Variants in LIPT1 observed in about 807,000 individuals in gnomAD.
The protein encoded by LIPT1 is lipoyl amidotransferase LIPT1, mitochondrial.
In LIPT1, 22 loss-of-function variants were observed where a neutral mutation model predicts 25.1. The observed-to-expected ratio is 0.88, with a 90% confidence interval of 0.63 to 1.25. LIPT1 has a LOEUF of 1.25. LIPT1 is among the 50% of genes most tolerant of loss of function. The probability of loss-of-function intolerance (pLI) is 0.00; values close to 1 mark genes in which losing one functional copy is unlikely to be tolerated. For missense variants in LIPT1, 399 were observed against 432.8 expected (o/e 0.92, Z 0.69); for synonymous variants, 131 against 150.8 (o/e 0.87, Z 0.96).
At chr2:99,158,289 A>C (rs1214280291) in intron 1 of LIPT1, among the ~76,000 whole-genome samples, 1 of 152,028 alleles carries the variant, frequency 6.6e-6, no homozygotes, top group East Asian at 1.9e-4. Flanking sequence ...CATGCTTAAA[A>C]TCTCTAGGCG....
At chr2:99,155,888 G>A (rs144389477) in intron 1 of LIPT1, among the ~76,000 whole-genome samples, 1,630 of 152,308 alleles carry the variant, frequency 0.011, 9 homozygotes, top group Middle Eastern at 0.027. Flanking sequence ...ATGTAACTCA[G>A]TCCTTTTCTG....
intron 1 of LIPT1, among the ~76,000 whole-genome samples, chr2:99,160,156 C>G (rs997547128): frequency 2.6e-4 from 40 of 152,308 alleles, no homozygotes; most frequent in African/African-American, 9.4e-4. Flanking sequence ...CCTATAATCC[C>G]AGCACTTTGG....
chr2:99,163,132 C>A lies in LIPT1; in HGVS notation c.*53C>A. ...CAATTAGAAAATAAAATGTCTCATACTTGCACATTGTATGTCAAAAAAAAA... is the reference window on the plus strand; with the variant it reads ...CAATTAGAAAATAAAATGTCTCATAATTGCACATTGTATGTCAAAAAAAAA... On this transcript the variant is annotated 3_prime_UTR_variant, in exon 2 of 2. Coordinates refer to ENST00000651691, the MANE Select transcript of LIPT1 (RefSeq NM_145199.3). 4 of 1,188,556 alleles carry A rather than the reference C, an allele frequency of 3.4e-6. No individual in the cohort carries two copies. The highest frequency in any genetic ancestry group is 4.5e-6 in the Non-Finnish European group (4 of 879,288). The allele number at this position is 1,188,556 out of a possible 1,614,324, so 73.6% of individuals were successfully genotyped here. A position where few individuals can be genotyped will look rare whatever the true frequency, so the allele number is the denominator to read the frequency against.
chr2:99,155,873 A>G (rs922795750), intron 1 of LIPT1, among the ~76,000 whole-genome samples: 9 of 152,224 alleles, frequency 5.9e-5, no homozygotes, highest in African/African-American at 2.2e-4. Context: ...TCAGACGTTC[A>G]TATCATGTAA....
At chr2:99,160,832 A>C (rs896643748) in intron 1 of LIPT1, among the ~76,000 whole-genome samples, 1 of 152,160 alleles carries the variant, frequency 6.6e-6, no homozygotes, top group Non-Finnish European at 1.5e-5. Flanking sequence ...TAAAGACATA[A>C]TGAAAGCTTT....
At chr2:99,157,913 C>T (rs1477916766) in intron 1 of LIPT1, among the ~76,000 whole-genome samples, 1 of 152,192 alleles carries the variant, frequency 6.6e-6, no homozygotes, top group Non-Finnish European at 1.5e-5. Flanking sequence ...CCTATAAAAT[C>T]TGTCCTAGGA....
chr2:99,162,288 G>C lies in LIPT1; in HGVS notation c.331G>C (p.Gly111Arg). ...AGGAGGAACAGTCTACCATGATATG[G>C]GTAATATCAATTTGACTTTCTTTAC... ...SGGGTVYHDM[G>R]NINLTFFTTK... Residue 111 changes from glycine to arginine, a missense_variant, in exon 2 of 2, where the codon GGT (glycine) becomes CGT (arginine). Physicochemically the swap from Gly to Arg is moderately radical, Grantham distance 125. Transcript: ENST00000651691. 6.2e-7 allele frequency: 1 copy of C among 1,610,370 alleles called. No homozygotes were observed.
At position 99,157,630 on chromosome 2, in the gene LIPT1, T is replaced by C. The variant is rs1047004339; in HGVS notation, c.-2+2579T>C. Among the ~76,000 whole-genome samples, 3 of 152,266 alleles carry C rather than the reference T, an allele frequency of 2.0e-5. No homozygotes were observed. In the South Asian group the frequency reaches 6.2e-4, roughly 31 times the overall value. ...TTGCTCAATCTTTGGCATTTGGCAC[T>C]GTTGACCATCTTGTCTCCTTGAAGC... is the stretch of plus-strand genomic sequence containing the variant. On this transcript the variant is annotated intron_variant, in intron 1 of 1. Transcript: ENST00000651691.
At chr2:99,155,132 GT>G (rs2105177136) in intron 1 of LIPT1, 81 bp downstream of exon 1, 2 of 445,430 alleles carry the variant, frequency 4.5e-6, no homozygotes. Context: ...GGCGCGCGCG[GT>G]GTTTCTGGCG....
rs540730333 is a variant in LIPT1, at chr2:99,160,057, G to A, written c.-1-1900G>A. On this transcript the variant is annotated intron_variant, in intron 1 of 1. Coordinates refer to ENST00000651691, the MANE Select transcript of LIPT1 (RefSeq NM_145199.3). ...TTAGTTTATAAACTACAACAAGAGT[G>A]ATGAAAATATGAAGACTCTTTAATC... Among the ~76,000 whole-genome samples the A allele has an allele frequency of 1.4e-4, 21 of 152,326 alleles. No homozygotes were observed. The East Asian group carries it at 2.5e-3, about 18-fold the overall frequency.
chr2:99,162,241 A>C lies in LIPT1; in HGVS notation c.284A>C (p.Lys95Thr), dbSNP rs765095355. Residue 95 changes from lysine to threonine, a missense_variant, in exon 2 of 2, where the codon AAA becomes ACA. Lys to Thr is a moderately conservative substitution (Grantham distance 78). Transcript: ENST00000651691. The part of the protein sequence containing the change: ...NLNLMREEGI[K>T]LARRRSGGGT... ...AATCTAATGAGAGAAGAAGGTATAA[A>C]ACTGGCTCGGAGAAGAAGTGGAGGA... is the stretch of plus-strand genomic sequence containing the variant. The C allele has an allele frequency of 3.1e-6, 5 of 1,613,674 alleles. No homozygotes were observed. The East Asian group carries it at 8.9e-5, about 29-fold the overall frequency.
Position 99,162,792 on chromosome 2 carries a change from T to C in LIPT1, c.835T>C (p.Phe279Leu), listed in dbSNP as rs755222797. The change falls in exon 2 of 2, where the codon TTT (phenylalanine) becomes CTT (leucine). Residue 279 changes from phenylalanine (F) to leucine (L), a missense_variant. Transcript: ENST00000651691. ...WEWIYGKTPKFSINTSFHVLY... is the reference protein window; with the variant it reads ...WEWIYGKTPKLSINTSFHVLY... ...GTGGATATATGGCAAAACTCCAAAG[T>C]TTAGTATAAATACTTCCTTTCATGT... 6.2e-7 allele frequency: 1 copy of C among 1,614,078 alleles called. No individual in the cohort carries two copies. Among genetic ancestry groups the C allele is most frequent in the Non-Finnish European group, 8.5e-7 (1 of 1,179,982 alleles).
intron 1 of LIPT1, chr2:99,155,396 C>G (rs1453172515): frequency 4.6e-6 from 2 of 435,302 alleles, no homozygotes; most frequent in African/African-American, 2.1e-5. Flanking sequence ...AGAGAGGGGA[C>G]AAAATAATAG....
intron 1 of LIPT1, chr2:99,155,535 A>G (rs2093743503): frequency 2.2e-6 from 1 of 454,952 alleles, no homozygotes; most frequent in African/African-American, 2.0e-5. Flanking sequence ...GTGTCCCAAG[A>G]ACATGGAAGG....
chr2:99,159,778 C>T (rs2093774629), intron 1 of LIPT1, among the ~76,000 whole-genome samples: 2 of 152,110 alleles, frequency 1.3e-5, no homozygotes, highest in African/African-American at 4.8e-5. Context: ...GTCTCGGTTG[C>T]GAGGCTTCCT....
chr2:99,163,063 T>A lies in LIPT1; in HGVS notation c.1106T>A (p.Ile369Asn). The stretch of plus-strand genomic sequence containing the variant: ...AAATGGAATATTCTCTGTGAAAAAA[T>A]TAAGGGAATAATGTGATTCCAAGTA... ...NSKWNILCEK[I>N]KGIM The change falls in exon 2 of 2, where the codon ATT becomes AAT. Residue 369 changes from isoleucine (I) to asparagine (N), a missense_variant. Transcript: ENST00000651691. 6.4e-7 allele frequency: 1 copy of A among 1,554,894 alleles called. No homozygotes were observed. Among genetic ancestry groups the A allele is most frequent in the Non-Finnish European group, 8.7e-7 (1 of 1,152,766 alleles).
chr2:99,161,891 TTAGAAAA>T (rs1312803395), intron 1 of LIPT1, 59 bp from the exon 2 acceptor site: 16 of 1,366,014 alleles, frequency 1.2e-5, no homozygotes, highest in African/African-American at 4.4e-5. Context: ...TAATTGATAG[TTAGAAAA>T]TAGAATTTAA....
At position 99,162,011 on chromosome 2, in the gene LIPT1, G is replaced by A; in HGVS notation, c.54G>A (p.Gln18=). Residue 18 remains glutamine (Q), a synonymous_variant, in exon 2 of 2, where the codon CAG becomes CAA. Coordinates refer to ENST00000651691, the MANE Select transcript of LIPT1 (RefSeq NM_145199.3). The stretch of plus-strand genomic sequence containing the variant: ...GCTTCCAGTTACTTTGTAACTGCCA[G>A]GTCCCAGCAGCTGGCTTTAAAAAAA... ...KNCFQLLCNC[Q]VPAAGFKKTV... is the part of the protein sequence containing the mutation. 6.2e-7 allele frequency: 1 copy of A among 1,613,552 alleles called. No individual in the cohort carries two copies. Among genetic ancestry groups the A allele is most frequent in the Non-Finnish European group, 8.5e-7 (1 of 1,179,668 alleles).
intron 1 of LIPT1, chr2:99,161,299 T>G (rs1271031078): frequency 1.9e-4 from 4 of 21,420 alleles, no homozygotes; most frequent in African/African-American, 9.6e-4. Context: ...AAAATATATA[T>G]ATATATATAT....
Sources: gnomAD v4.1 joint callset for allele counts (sites outside exome capture counted in the v4.1 genomes callset) on GRCh38, gnomAD v4.1.1 for gene constraint, MANE v1.5 for transcripts, NCBI Gene and HGNC (gene_info 2026-07-23, HGNC 2026-07-21) for gene names.